The following NDUFAF6 variants were observed in gnomAD, a reference collection of about 807,000 sequenced individuals.
The protein encoded by NDUFAF6 is NADH:ubiquinone oxidoreductase complex assembly factor 6.
Under a neutral mutation model 40.8 loss-of-function variants are expected in NDUFAF6, and 45 were observed. The observed-to-expected ratio is 1.10, with a 90% CI of 0.87 to 1.42. The LOEUF (loss-of-function observed/expected upper bound fraction) is 1.42. Ranked by LOEUF, NDUFAF6 falls within the 40% of genes most tolerant of loss-of-function variation. NDUFAF6 has a pLI of 0.00. For missense variants in NDUFAF6, 435 were observed against 418.5 expected, an observed-to-expected ratio of 1.04 and a Z score of -0.34; for synonymous variants, 185 against 155.9, an observed-to-expected ratio of 1.19 and a Z score of -1.39.
intron 1 of NDUFAF6, among the ~76,000 whole-genome samples, chr8:94,904,335 T>A (rs1172628980): frequency 1.3e-5 from 1 of 74,834 alleles, no homozygotes; most frequent in Non-Finnish European, 2.9e-5. Context: ...TTTTTTTTTT[T>A]TTTTTTTTTT....
At chr8:94,903,381 A>G (rs568781241) in intron 1 of NDUFAF6, among the ~76,000 whole-genome samples, 12 of 152,280 alleles carry the variant, frequency 7.9e-5, no homozygotes, top group Admixed American at 7.2e-4. Flanking sequence ...GAAAACAACA[A>G]CAACAAAACT....
In NDUFAF6 at chr8:95,112,391, A is replaced by C. The variant is rs143370160; in HGVS notation, n.345-3145A>C. 6.5e-4 allele frequency among the ~76,000 whole-genome samples: 99 copies of C among 152,326 alleles called. 1 individual carries two copies. In the East Asian group the frequency reaches 0.017, roughly 26 times the overall value. Reference sequence around the variant, plus strand: ...TATAAGAGAAAGGCAGAGGAGATTTAAGATGCAGAGACACACGGGGGAGAC... The same window carrying C: ...TATAAGAGAAAGGCAGAGGAGATTTCAGATGCAGAGACACACGGGGGAGAC... On this transcript the variant is annotated intron_variant and non_coding_transcript_variant, in intron 4 of 5. Transcript: ENST00000523184.
intron 8 of NDUFAF6, 27 bp from the exon 9 acceptor site, chr8:95,057,782 T>G: frequency 6.4e-7 from 1 of 1,561,672 alleles, no homozygotes; most frequent in Non-Finnish European, 8.8e-7. Context: ...TTTTATGATC[T>G]GGTGATCACT....
intron 1 of NDUFAF6, among the ~76,000 whole-genome samples, chr8:94,906,772 T>C (rs983520088): frequency 2.0e-5 from 3 of 152,240 alleles, no homozygotes; most frequent in Non-Finnish European, 4.4e-5. Flanking sequence ...GAGTCAGTTT[T>C]ATCATGTGCA....
intron 1 of NDUFAF6, among the ~76,000 whole-genome samples, chr8:94,967,856 G>A (rs771346085): frequency 2.0e-5 from 3 of 151,662 alleles, no homozygotes; most frequent in Admixed American, 6.6e-5. Flanking sequence ...CAGGAGAATC[G>A]TTCGAACCTG....
chr8:95,046,845 C>A, intron 5 of NDUFAF6, 149 bp from the exon 6 acceptor site: 1 of 973,484 alleles, frequency 1.0e-6, no homozygotes, highest in Non-Finnish European at 1.5e-6. Flanking sequence ...TGTTATTGTG[C>A]CCAGTTTTTC....
chr8:95,054,330 C>A (rs956489015), intron 8 of NDUFAF6, among the ~76,000 whole-genome samples: 4 of 151,990 alleles, frequency 2.6e-5, no homozygotes, highest in Non-Finnish European at 5.9e-5. Context: ...CCTGGACTAG[C>A]AATATCTACC....
intron 1 of NDUFAF6, among the ~76,000 whole-genome samples, chr8:94,907,706 A>G (rs918851121): frequency 6.6e-6 from 1 of 152,236 alleles, no homozygotes; most frequent in African/African-American, 2.4e-5. Flanking sequence ...AGAGGCCAGA[A>G]GCTCTGGGTC....
At chr8:94,940,238 T>A in intron 1 of NDUFAF6, 1 of 1,588,756 alleles carries the variant, frequency 6.3e-7, no homozygotes, top group East Asian at 2.2e-5. Flanking sequence ...GTAGTCCACA[T>A]TGCAGTCCAC....
chr8:95,104,851 C>A (rs933851590), downstream of NDUFAF6, among the ~76,000 whole-genome samples: 3 of 152,094 alleles, frequency 2.0e-5, no homozygotes, highest in Non-Finnish European at 4.4e-5. Context: ...GATCATGTGG[C>A]CTGGCTGGGA....
chr8:95,088,071 G>A (rs902896689), intron 2 of NDUFAF6: 2 of 152,308 alleles, frequency 1.3e-5, no homozygotes, highest in African/African-American at 4.8e-5. Context: ...CTGGCACCTT[G>A]GGCCACCTGC....
rs553287 is a variant in NDUFAF6 at position 94,904,871 on chromosome 8, T to A, written c.-936+8944T>A. ...ATAACTGTCATTGCCTTATTACATT[T>A]AAAAAAAAAATCATAATAGAATATT... On this transcript the variant is annotated intron_variant, in intron 1 of 14. Transcript: ENST00000396113. 1.9e-4 allele frequency among the ~76,000 whole-genome samples: 28 copies of A among 151,010 alleles called. No individual in the cohort carries two copies. The South Asian group carries it at 2.5e-3, about 14-fold the overall frequency.
chr8:95,052,360 C>T (rs539099755), intron 8 of NDUFAF6, 130 bp downstream of exon 8: 8 of 960,638 alleles, frequency 8.3e-6, no homozygotes, highest in Non-Finnish European at 1.1e-5. Flanking sequence ...TCCCTCATGG[C>T]GGCTTTCATT....
chr8:95,054,671 G>A (rs918522159), intron 8 of NDUFAF6, among the ~76,000 whole-genome samples: 1 of 151,998 alleles, frequency 6.6e-6, no homozygotes, highest in African/African-American at 2.4e-5. Flanking sequence ...CTGACTTCAG[G>A]TGATCCACCC....
At chr8:94,956,360 A>G (rs1475972939), upstream of NDUFAF6, among the ~76,000 whole-genome samples, 2 of 152,190 alleles carry the variant, frequency 1.3e-5, no homozygotes, top group African/African-American at 4.8e-5. Context: ...GAAAGGGGCA[A>G]GCAAGCTCTG....
At chr8:95,106,381 G>A (rs187322173), downstream of NDUFAF6, among the ~76,000 whole-genome samples, 969 of 152,280 alleles carry the variant, frequency 6.4e-3, 6 homozygotes, top group Middle Eastern at 0.041. Context: ...AAGAAATGGG[G>A]AAAGGATTCC....
intron 1 of NDUFAF6, among the ~76,000 whole-genome samples, chr8:94,916,840 C>G (rs13282419): frequency 1.7e-4 from 24 of 139,794 alleles, no homozygotes; most frequent in African/African-American, 3.0e-4. Context: ...AAAGGCCGGG[C>G]GCGGTGGCTC....
chr8:95,064,796 C>T (rs760290039), intron 9 of NDUFAF6, among the ~76,000 whole-genome samples: 1 of 152,088 alleles, frequency 6.6e-6, no homozygotes, highest in Non-Finnish European at 1.5e-5. Context: ...GGTGCTGCCT[C>T]ATACGCTGGG....
intron 2 of NDUFAF6, among the ~76,000 whole-genome samples, chr8:94,946,655 C>T (rs1822019192): frequency 7.8e-6 from 1 of 128,900 alleles, no homozygotes; most frequent in Non-Finnish European, 1.6e-5. Flanking sequence ...TGTGATCCCA[C>T]CACTACACTC....
Sources: allele counts gnomAD v4.1 joint callset (sites outside exome capture counted in the v4.1 genomes callset), GRCh38; gene constraint gnomAD v4.1.1; transcripts MANE v1.5; gene names NCBI Gene and HGNC (gene_info 2026-07-23, HGNC 2026-07-21).